The following TAMM41 variants were observed in gnomAD, a reference collection of about 807,000 sequenced individuals.
TAMM41 encodes the protein phosphatidate cytidylyltransferase, mitochondrial.
TAMM41 carries 36 observed loss-of-function variants against 44.1 expected under a neutral mutation model. The ratio of observed to expected loss-of-function variants is 0.82; its 90% CI spans 0.63 to 1.08. TAMM41 has a LOEUF of 1.08. TAMM41 is among the 50% of genes least tolerant of loss of function. The pLI is 0.00. For synonymous variants in TAMM41, 164 were observed against 153.1 expected (o/e 1.07, Z -0.53); for missense variants, 417 against 404.3 (o/e 1.03, Z -0.27).
chr3:11,765,559 A>C, the TAMM41 span, among the ~76,000 whole-genome samples: 1 of 152,204 alleles, frequency 6.6e-6, no homozygotes, highest in Non-Finnish European at 1.5e-5. Flanking sequence ...CCCCATATTA[A>C]ATATGCAGTC....
At chr3:11,771,098 G>T in the TAMM41 span, 1 of 152,622 alleles carries the variant, frequency 6.6e-6, no homozygotes, top group Non-Finnish European at 1.5e-5. Context: ...AGCATCTCAA[G>T]CTGCGGCCTC....
chr3:11,785,581 C>T (rs1426297176), downstream of TAMM41, among the ~76,000 whole-genome samples: 1 of 152,106 alleles, frequency 6.6e-6, no homozygotes, highest in Non-Finnish European at 1.5e-5. Flanking sequence ...ACCTCGGCCT[C>T]CCAAAATGCT....
At chr3:11,741,494 AC>A in the TAMM41 span, among the ~76,000 whole-genome samples, 2 of 149,302 alleles carry the variant, frequency 1.3e-5, no homozygotes, top group Non-Finnish European at 1.5e-5. Context: ...ACATCCCAAG[AC>A]CCCCAGAGGA....
the TAMM41 span, among the ~76,000 whole-genome samples, chr3:11,735,250 C>G: frequency 6.6e-6 from 1 of 151,976 alleles, no homozygotes; most frequent in Non-Finnish European, 1.5e-5. Context: ...CCCAGCTACT[C>G]TGGAGGCTGC....
intron 1 of TAMM41, among the ~76,000 whole-genome samples, chr3:11,846,144 G>T (rs749672144): frequency 6.6e-6 from 1 of 152,244 alleles, no homozygotes; most frequent in African/African-American, 2.4e-5. Context: ...GGCGGAAGCC[G>T]AGCATTAGGA....
the TAMM41 span, among the ~76,000 whole-genome samples, chr3:11,726,367 C>G: frequency 6.6e-6 from 1 of 152,228 alleles, no homozygotes; most frequent in Non-Finnish European, 1.5e-5. Flanking sequence ...GAGACCAGAT[C>G]AAGTTAGGCA....
At chr3:11,842,748 C>G (rs1056644949) in intron 2 of TAMM41, among the ~76,000 whole-genome samples, 1 of 151,872 alleles carries the variant, frequency 6.6e-6, no homozygotes, top group African/African-American at 2.4e-5. Context: ...CTCAGACCAA[C>G]TGAGTCAGGA....
intron 7 of TAMM41, among the ~76,000 whole-genome samples, chr3:11,802,145 G>A (rs2077773848): frequency 6.6e-6 from 1 of 152,154 alleles, no homozygotes; most frequent in Non-Finnish European, 1.5e-5. Context: ...TTAAGCCTGG[G>A]AGGCAAATAT....
chr3:11,778,504 T>G, the TAMM41 span, among the ~76,000 whole-genome samples: 8 of 152,218 alleles, frequency 5.3e-5, no homozygotes, highest in African/African-American at 1.9e-4. Context: ...TTTAACCACT[T>G]GAGGAACTGA....
the TAMM41 span, among the ~76,000 whole-genome samples, chr3:11,765,758 G>A: frequency 6.7e-6 from 1 of 150,108 alleles, no homozygotes; most frequent in African/African-American, 2.5e-5. Flanking sequence ...CTGGAGTGCA[G>A]TGGTGTGATC....
the TAMM41 span, among the ~76,000 whole-genome samples, chr3:11,772,272 G>C: frequency 4.1e-5 from 6 of 147,766 alleles, no homozygotes; most frequent in Non-Finnish European, 5.9e-5. Context: ...TAGTAGAGAC[G>C]GGCTTTCACC....
intron 3 of TAMM41, among the ~76,000 whole-genome samples, chr3:11,834,107 G>T (rs2125044159): frequency 6.6e-6 from 1 of 152,224 alleles, no homozygotes; most frequent in East Asian, 1.9e-4. Context: ...AGCTGGGCAT[G>T]GTGGCACGTG....
At chr3:11,767,281 C>T in the TAMM41 span, among the ~76,000 whole-genome samples, 8 of 152,142 alleles carry the variant, frequency 5.3e-5, no homozygotes, top group East Asian at 1.6e-3. Flanking sequence ...ATTGGCCAGG[C>T]TGGTCTCGAA....
chr3:11,830,862 C>T (rs1192296930), intron 3 of TAMM41: 1 of 137,850 alleles, frequency 7.3e-6, no homozygotes, highest in African/African-American at 2.9e-5. Context: ...GCCTGAAAGA[C>T]ACAGTTGAGA....
At chr3:11,753,251 C>A in the TAMM41 span, among the ~76,000 whole-genome samples, 33 of 151,814 alleles carry the variant, frequency 2.2e-4, no homozygotes, top group African/African-American at 8.0e-4. Context: ...CATGGTGAGA[C>A]CCCCATCTCT....
In TAMM41 at chr3:11,798,982, AGGT is replaced by A. The variant is rs550280544; in HGVS notation, c.938-8404_938-8402del. ...ATAATTCCAGCACTTTGGGAGGCTG[AGGT>A]GGGAGGATCACTTGAGCCCAGGAGT... is the stretch of plus-strand genomic sequence containing the variant. On this transcript the variant is annotated intron_variant, in intron 7 of 7. Coordinates refer to ENST00000455809, the MANE Select transcript of TAMM41 (RefSeq NM_001284401.2). 4.8e-4 allele frequency among the ~76,000 whole-genome samples: 73 copies of A among 152,244 alleles called. 1 individual carries two copies. In the South Asian group the frequency reaches 0.014, roughly 30 times the overall value.
the TAMM41 span, among the ~76,000 whole-genome samples, chr3:11,780,035 A>G: frequency 0.018 from 2,715 of 152,224 alleles, 78 homozygotes; most frequent in African/African-American, 0.063. Context: ...CTGGACCACC[A>G]TCATCTCTCA....
chr3:11,755,081 A>G, the TAMM41 span, among the ~76,000 whole-genome samples: 2 of 151,016 alleles, frequency 1.3e-5, no homozygotes, highest in African/African-American at 4.9e-5. Flanking sequence ...AGCTGCAGCA[A>G]CCCCTAATCA....
At position 11,846,714 on chromosome 3, in the gene TAMM41, T is replaced by C; in HGVS notation, c.-78A>G. On this transcript the variant is annotated 5_prime_UTR_variant, in exon 1 of 8. Coordinates refer to ENST00000455809, the MANE Select transcript of TAMM41 (RefSeq NM_001284401.2). ...CGGGGAACAGACACCGGGTAGGCGG[T>C]TTAGGGTGGGAAATGGAAGTCGGAG... is the stretch of plus-strand genomic sequence containing the variant. 6 of 1,587,380 alleles carry C rather than the reference T, an allele frequency of 3.8e-6. No homozygotes were observed. The highest frequency in any genetic ancestry group is 4.3e-6 in the Non-Finnish European group (5 of 1,162,308).
Sources: gnomAD v4.1 joint callset for allele counts (sites outside exome capture counted in the v4.1 genomes callset) on GRCh38, gnomAD v4.1.1 for gene constraint, MANE v1.5 for transcripts, NCBI Gene and HGNC (gene_info 2026-07-23, HGNC 2026-07-21) for gene names.